ARHGEF9: variants seen among roughly 807,000 people sequenced by gnomAD.
ARHGEF9 encodes the protein Cdc42 guanine nucleotide exchange factor 9, also known as rho guanine nucleotide exchange factor 9.
A neutral mutation model predicts 41.3 loss-of-function variants in ARHGEF9; 2 were observed. The observed-to-expected ratio is 0.05, with a 90% confidence interval of 0.02 to 0.15. The LOEUF (loss-of-function observed/expected upper bound fraction) is 0.15. Among genes scored for constraint, ARHGEF9 ranks in the 10% least tolerant of loss-of-function variants. The pLI is 1.00. For synonymous variants in ARHGEF9, 160 were observed against 154.4 expected, an observed-to-expected ratio of 1.04 and a Z score of -0.27; for missense variants, 225 against 424.7, an observed-to-expected ratio of 0.53 and a Z score of 4.13.
At chrX:63,689,963 A>G (rs1207842561) in intron 4 of ARHGEF9, among the ~76,000 whole-genome samples, 1 of 111,998 alleles carries the variant, frequency 8.9e-6, no homozygotes, top group East Asian at 2.8e-4. Flanking sequence ...ATGAAAACAC[A>G]AGATACTAAA....
At chrX:63,773,322 T>C (rs182841470) in intron 1 of ARHGEF9, among the ~76,000 whole-genome samples, 4 of 112,169 alleles carry the variant, frequency 3.6e-5, no homozygotes, top group African/African-American at 6.5e-5. Context: ...GGAGGGATTG[T>C]TCCTTGTGAA....
At position 63,637,081 on chromosome X, in the gene ARHGEF9, C is replaced by T. The variant is rs151208320; in HGVS notation, c.*947G>A. 144 of 295,400 alleles carry T rather than the reference C, an allele frequency of 4.9e-4. 1 individual carries two copies. Among genetic ancestry groups the T allele is most frequent in the African/African-American group, 3.9e-3 (140 of 36,314 alleles). 24.3% of individuals were successfully genotyped at this position (295,400 alleles called of 1,213,427 possible). ...CTTTTGGGCTAAGGGAGAGACAGGC[C>T]TAGGGGGAGACCTATAACAAAAGTG... On this transcript the variant is annotated 3_prime_UTR_variant, in exon 10 of 10. Transcript: ENST00000671741.
chrX:63,674,789 C>A (rs1346935699), intron 5 of ARHGEF9, among the ~76,000 whole-genome samples: 1 of 111,330 alleles, frequency 9.0e-6, no homozygotes, highest in Non-Finnish European at 1.9e-5. Context: ...AGAGACTTTC[C>A]CCCCTACCTC....
At chrX:63,724,788 C>T in intron 1 of ARHGEF9, 77 bp from the exon 2 acceptor site, 1 of 1,006,233 alleles carries the variant, frequency 9.9e-7, no homozygotes, top group Non-Finnish European at 1.4e-6. Flanking sequence ...CAGAGCTCTA[C>T]TACTTACAGA....
intron 8 of ARHGEF9, among the ~76,000 whole-genome samples, chrX:63,646,049 A>G (rs2048032975): frequency 9.0e-6 from 1 of 111,620 alleles, no homozygotes; most frequent in Non-Finnish European, 1.9e-5. Context: ...GTCTGTTCAT[A>G]TCCTTCACCC....
chrX:63,764,129 A>G (rs782757923), intron 1 of ARHGEF9, among the ~76,000 whole-genome samples: 34 of 112,545 alleles, frequency 3.0e-4, no homozygotes, highest in African/African-American at 1.0e-3. Flanking sequence ...CAAGGAAAAA[A>G]CTAACAACCT....
chrX:63,773,514 T>C (rs2056238048), intron 1 of ARHGEF9, among the ~76,000 whole-genome samples: 1 of 112,206 alleles, frequency 8.9e-6, no homozygotes, highest in Non-Finnish European at 1.9e-5. Context: ...CACAACACTT[T>C]CCCATCTATA....
In ARHGEF9 at chrX:63,777,951, G is replaced by A. The variant is rs2056319874; in HGVS notation, c.30+7165C>T. Among the ~76,000 whole-genome samples, 2 of 112,534 alleles carry A rather than the reference G, an allele frequency of 1.8e-5. 1 individual carries two copies. The highest frequency in any genetic ancestry group is 1.9e-4 in the Admixed American group (2 of 10,703). On this transcript the variant is annotated intron_variant, in intron 1 of 9. Transcript: ENST00000671741. ...TGGCTTTTCCAGGCACACAGTGCAA[G>A]CTATTGAATCTATCATTCTGGTGTC...
At chrX:63,763,061 C>T (rs1556450292) in intron 1 of ARHGEF9, among the ~76,000 whole-genome samples, 2 of 111,775 alleles carry the variant, frequency 1.8e-5, no homozygotes, top group Non-Finnish European at 3.8e-5. Flanking sequence ...ATAGATAAGG[C>T]TTCCAGTCAA....
At position 63,714,083 on chromosome X, in the gene ARHGEF9, C is replaced by T. The variant is rs559657907; in HGVS notation, c.211-7634G>A. ...TGTGTGAATATACTGTTTTTGCATT[C>T]ATGGCTTCCCATCAGCACATTAAAA... is the stretch of plus-strand genomic sequence containing the variant. On this transcript the variant is annotated intron_variant, in intron 2 of 9. Transcript: ENST00000671741. Among the ~76,000 whole-genome samples the T allele has an allele frequency of 2.7e-5, 3 of 111,823 alleles. No individual in the cohort carries two copies. The South Asian group carries it at 1.1e-3, about 42-fold the overall frequency.
intron 9 of ARHGEF9, among the ~76,000 whole-genome samples, chrX:63,643,360 CTTTTTTT>C (rs548964367): frequency 1.0e-5 from 1 of 98,245 alleles, no homozygotes; most frequent in African/African-American, 3.7e-5. Context: ...TATCTTTATA[CTTTTTTT>C]TTTTTTTTTT....
intron 1 of ARHGEF9, among the ~76,000 whole-genome samples, chrX:63,728,313 T>C (rs1450165579): frequency 5.3e-5 from 6 of 112,636 alleles, no homozygotes; most frequent in African/African-American, 1.6e-4. Flanking sequence ...CCATCCAACA[T>C]TCATTCATTG....
At chrX:63,773,456 TC>T (rs2056236717) in intron 1 of ARHGEF9, among the ~76,000 whole-genome samples, 3 of 112,045 alleles carry the variant, frequency 2.7e-5, no homozygotes, top group Non-Finnish European at 5.6e-5. Flanking sequence ...CTCTGTCCTG[TC>T]AGGAATAATA....
intron 1 of ARHGEF9, among the ~76,000 whole-genome samples, chrX:63,749,927 G>GAGCA (rs1253343458): frequency 1.8e-5 from 2 of 112,095 alleles, no homozygotes; most frequent in African/African-American, 6.5e-5. Flanking sequence ...GAGACACTCT[G>GAGCA]AGCAGATACT....
intron 6 of ARHGEF9, among the ~76,000 whole-genome samples, chrX:63,668,489 A>C (rs1556351493): frequency 1.8e-5 from 2 of 111,641 alleles, no homozygotes. Flanking sequence ...TTAGAAAAAA[A>C]ATTAAAATAA....
intron 4 of ARHGEF9, among the ~76,000 whole-genome samples, chrX:63,689,554 A>G (rs2051201966): frequency 8.9e-6 from 1 of 112,135 alleles, no homozygotes. Context: ...AATAATAGGG[A>G]ACTTCAACAC....
intron 2 of ARHGEF9, among the ~76,000 whole-genome samples, chrX:63,714,036 A>T (rs1569485533): frequency 8.9e-6 from 1 of 112,133 alleles, no homozygotes; most frequent in Non-Finnish European, 1.9e-5. Context: ...TATAACAGAC[A>T]AAAAGAGAAA....
chrX:63,763,647 A>G lies in ARHGEF9; in HGVS notation c.30+21469T>C, dbSNP rs782386752. Reference sequence around the variant, plus strand: ...AATGTCATCGAGCCTCACTTTACTCATCTTTAAATCAGGGAGAATGGTATA... The same window carrying G: ...AATGTCATCGAGCCTCACTTTACTCGTCTTTAAATCAGGGAGAATGGTATA... On this transcript the variant is annotated intron_variant, in intron 1 of 9. Transcript: ENST00000671741. Among the ~76,000 whole-genome samples, 209 of 111,146 alleles carry G rather than the reference A, an allele frequency of 1.9e-3. 1 individual carries two copies. Among genetic ancestry groups the G allele is most frequent in the Admixed American group, 3.1e-3 (32 of 10,391 alleles).
Position 63,719,577 on chromosome X carries a change from C to T in ARHGEF9, c.210+4955G>A, listed in dbSNP as rs2147594638. 1.0e-5 allele frequency: 3 copies of T among 292,095 alleles called. No individual in the cohort carries two copies. In the East Asian group the frequency reaches 1.4e-4, roughly 14 times the overall value. The allele number at this position is 292,095 out of a possible 1,213,427, so 24.1% of individuals were successfully genotyped here. On this transcript the variant is annotated intron_variant, in intron 2 of 9. Transcript: ENST00000671741. ...TGTTTTGGAACTCTAGAATCTAATC[C>T]AAAACTTGCAGCAACTTACAGGGGA...
Sources: allele counts gnomAD v4.1 joint callset (sites outside exome capture counted in the v4.1 genomes callset), GRCh38; gene constraint gnomAD v4.1.1; transcripts MANE v1.5; gene names NCBI Gene and HGNC (gene_info 2026-07-23, HGNC 2026-07-21).